Variants in CNTNAP2 observed in about 807,000 individuals in gnomAD.
The protein encoded by CNTNAP2 is contactin associated protein 2.
CNTNAP2 carries 98 observed loss-of-function variants against 155.2 expected under a neutral mutation model. The ratio of observed to expected loss-of-function variants is 0.63; its 90% confidence interval spans 0.54 to 0.75. The LOEUF (loss-of-function observed/expected upper bound fraction) is 0.75, where lower values mean the gene tolerates loss of function less well. CNTNAP2 is among the 30% of genes least tolerant of loss of function. The pLI is 0.00. For synonymous variants in CNTNAP2, 651 were observed against 631.2 expected (o/e 1.03, Z -0.47); for missense variants, 1,727 against 1,688.1 (o/e 1.02, Z -0.40).
chr7:147,175,949 G>A (rs534230159), intron 8 of CNTNAP2, among the ~76,000 whole-genome samples: 1 of 152,306 alleles, frequency 6.6e-6, no homozygotes, highest in African/African-American at 2.4e-5. Context: ...CTGGACCAAT[G>A]ATTGGTCAAA....
intron 12 of CNTNAP2, among the ~76,000 whole-genome samples, chr7:147,592,800 CT>C: frequency 6.6e-6 from 1 of 152,288 alleles, no homozygotes; most frequent in East Asian, 1.9e-4. Flanking sequence ...CTCATATCTT[CT>C]CCAGGTCTAG....
At chr7:147,887,059 T>C (rs933487969) in intron 13 of CNTNAP2, among the ~76,000 whole-genome samples, 2 of 152,336 alleles carry the variant, frequency 1.3e-5, no homozygotes, top group Admixed American at 1.3e-4. Flanking sequence ...TGTCACATTG[T>C]ATAATAAAAT....
intron 1 of CNTNAP2, among the ~76,000 whole-genome samples, chr7:146,678,485 A>G (rs1800443766): frequency 6.6e-6 from 1 of 152,172 alleles, no homozygotes; most frequent in Admixed American, 6.5e-5. Context: ...ACAATTATTT[A>G]TATTTTTAAT....
At chr7:147,476,737 G>A (rs889679306) in intron 10 of CNTNAP2, among the ~76,000 whole-genome samples, 1 of 151,966 alleles carries the variant, frequency 6.6e-6, no homozygotes, top group South Asian at 2.1e-4. Flanking sequence ...GACCAGCCTG[G>A]CCAACATGGC....
chr7:148,395,580 C>G (rs556008567), intron 22 of CNTNAP2, among the ~76,000 whole-genome samples: 1 of 152,094 alleles, frequency 6.6e-6, no homozygotes, highest in South Asian at 2.1e-4. Flanking sequence ...GGGGTGCGCT[C>G]TGTCAAGGCT....
At chr7:146,504,139 C>A (rs1584954657) in intron 1 of CNTNAP2, among the ~76,000 whole-genome samples, 1 of 152,248 alleles carries the variant, frequency 6.6e-6, no homozygotes, top group East Asian at 1.9e-4. Flanking sequence ...AAAGCACAGC[C>A]ACTTTCCTTA....
At position 147,470,922 on chromosome 7, in the gene CNTNAP2, T is replaced by C. The variant is rs183324948; in HGVS notation, c.1671-15013T>C. On this transcript the variant is annotated intron_variant, in intron 10 of 23. Coordinates refer to ENST00000361727, the MANE Select transcript of CNTNAP2 (RefSeq NM_014141.6). ...CGAGCTCGGGGGCACACCGATGTTT[T>C]ATCAAAATTCAGGGAAATGAAGATT... 1.1e-3 allele frequency among the ~76,000 whole-genome samples: 169 copies of C among 152,174 alleles called. 1 individual carries two copies. In the Middle Eastern group the frequency reaches 0.014, roughly 12 times the overall value.
chr7:147,626,483 G>A (rs1343757756), intron 12 of CNTNAP2, among the ~76,000 whole-genome samples: 8 of 152,142 alleles, frequency 5.3e-5, no homozygotes, highest in African/African-American at 9.7e-5. Context: ...CCCAGCCAAG[G>A]AGAGGCTGAG....
chr7:147,241,551 C>T (rs949759960), intron 8 of CNTNAP2, among the ~76,000 whole-genome samples: 4 of 151,406 alleles, frequency 2.6e-5, no homozygotes, highest in Middle Eastern at 6.9e-3. Flanking sequence ...TCTCTTGAAC[C>T]CAGGAGGTGG....
At chr7:146,848,725 A>C (rs372650892) in intron 3 of CNTNAP2, among the ~76,000 whole-genome samples, 1 of 152,148 alleles carries the variant, frequency 6.6e-6, no homozygotes, top group East Asian at 1.9e-4. Flanking sequence ...TTCTATAAAT[A>C]ACTGCGTTTT....
chr7:147,784,493 TAATATATATATATATATATA>T (rs1797705277), intron 13 of CNTNAP2, among the ~76,000 whole-genome samples: 3 of 48,104 alleles, frequency 6.2e-5, no homozygotes, highest in African/African-American at 2.1e-4. Context: ...GGCTCTGGAC[TAATATATATATATATATATA>T]TATATATATA....
chr7:148,069,940 G>C (rs1585109403), intron 15 of CNTNAP2, among the ~76,000 whole-genome samples: 2 of 152,092 alleles, frequency 1.3e-5, no homozygotes, highest in African/African-American at 4.8e-5. Context: ...ACTATTCTAA[G>C]CATTTTACAT....
chr7:147,088,521 A>G (rs981972888), intron 4 of CNTNAP2, among the ~76,000 whole-genome samples: 1 of 152,254 alleles, frequency 6.6e-6, no homozygotes, highest in African/African-American at 2.4e-5. Flanking sequence ...AATTCAAGTG[A>G]CAAAATACAT....
intron 1 of CNTNAP2, among the ~76,000 whole-genome samples, chr7:146,649,000 A>T (rs1006228147): frequency 5.9e-5 from 9 of 152,086 alleles, no homozygotes; most frequent in Admixed American, 1.3e-4. Flanking sequence ...ACAGAAAAAA[A>T]TTTTAAAAAG....
At chr7:146,335,675 T>C (rs1801262519) in intron 1 of CNTNAP2, among the ~76,000 whole-genome samples, 1 of 152,170 alleles carries the variant, frequency 6.6e-6, no homozygotes, top group African/African-American at 2.4e-5. Context: ...AGTCTCCCTT[T>C]TAATATGATT....
At chr7:147,730,650 TTAATGACAGTACAGC>T (rs1244123626) in intron 13 of CNTNAP2, among the ~76,000 whole-genome samples, 6 of 152,030 alleles carry the variant, frequency 3.9e-5, no homozygotes, top group African/African-American at 1.4e-4. Flanking sequence ...CTTAGGCCAG[TTAATGACAGTACAGC>T]GGCCTCTAAG....
chr7:146,344,178 G>A (rs1385970132), intron 1 of CNTNAP2, among the ~76,000 whole-genome samples: 1 of 152,102 alleles, frequency 6.6e-6, no homozygotes, highest in Non-Finnish European at 1.5e-5. Context: ...TGAAGAGAAT[G>A]TTTTCAGGTT....
chr7:146,187,563 CA>C (rs1798642155), intron 1 of CNTNAP2, among the ~76,000 whole-genome samples: 1 of 152,110 alleles, frequency 6.6e-6, no homozygotes, highest in African/African-American at 2.4e-5. Flanking sequence ...TTCCTCTTTC[CA>C]AATTTGATAT....
intron 15 of CNTNAP2, among the ~76,000 whole-genome samples, chr7:148,040,673 TG>T (rs756334309): frequency 4.6e-5 from 7 of 152,272 alleles, no homozygotes; most frequent in Non-Finnish European, 5.9e-5. Flanking sequence ...TTCATTCATT[TG>T]TATATTCATT....
Sources: gnomAD v4.1 joint callset for allele counts (sites outside exome capture counted in the v4.1 genomes callset) on GRCh38, gnomAD v4.1.1 for gene constraint, MANE v1.5 for transcripts, NCBI Gene and HGNC (gene_info 2026-07-23, HGNC 2026-07-21) for gene names.